Variants in COL13A1 observed in about 807,000 individuals in gnomAD.
COL13A1 encodes the protein collagen type XIII alpha 1 chain.
In COL13A1, 89 loss-of-function variants were observed where a neutral mutation model predicts 130.9. The ratio of observed to expected loss-of-function variants is 0.68; its 90% CI spans 0.57 to 0.81. The LOEUF (loss-of-function observed/expected upper bound fraction) is 0.81, where lower values mean the gene tolerates loss of function less well. COL13A1 is among the 30% of genes least tolerant of loss of function. COL13A1 has a pLI of 0.00. For synonymous variants in COL13A1, 402 were observed against 341.6 expected (o/e 1.18, Z -1.95); for missense variants, 879 against 934.6 (o/e 0.94, Z 0.78).
chr10:69,949,155 G>A (rs1310815977), intron 38 of COL13A1, among the ~76,000 whole-genome samples: 1 of 152,168 alleles, frequency 6.6e-6, no homozygotes, highest in Non-Finnish European at 1.5e-5. Flanking sequence ...TCCTGGAAGA[G>A]TCTCCCCTCA....
chr10:69,832,738 C>T (rs996523867), intron 2 of COL13A1, among the ~76,000 whole-genome samples: 1 of 152,154 alleles, frequency 6.6e-6, no homozygotes, highest in Non-Finnish European at 1.5e-5. Flanking sequence ...TTGGAACCCC[C>T]GGTTTATGAA....
In COL13A1 at chr10:69,894,537, G is replaced by T. The variant is rs1379630306; in HGVS notation, c.604-15G>T. ...TCTGTCTGCCCACTGACCTGTGTGT[G>T]TTTGCTTCCCACAGGGTCTGACGGG... On this transcript the variant is annotated splice_polypyrimidine_tract_variant and intron_variant, in intron 10 of 40. Transcript: ENST00000645393. The T allele has an allele frequency of 1.9e-6, 3 of 1,613,692 alleles. No homozygotes were observed. Among genetic ancestry groups the T allele is most frequent in the Non-Finnish European group, 2.5e-6 (3 of 1,179,880 alleles).
At chr10:69,824,041 A>G (rs1158773507) in intron 2 of COL13A1, 1 of 468,004 alleles carries the variant, frequency 2.1e-6, no homozygotes, top group Non-Finnish European at 4.4e-6. Flanking sequence ...CAAGGGCAGG[A>G]TATTTGAAGC....
chr10:69,867,032 C>T (rs1468814718), intron 2 of COL13A1, among the ~76,000 whole-genome samples: 2 of 152,166 alleles, frequency 1.3e-5, no homozygotes, highest in East Asian at 1.9e-4. Flanking sequence ...CCTTCCCTCC[C>T]GCTCCCCACC....
At position 69,894,567 on chromosome 10, in the gene COL13A1, C is replaced by A; in HGVS notation, c.619C>A (p.Pro207Thr). 1 of 1,613,988 alleles carries A rather than the reference C, an allele frequency of 6.2e-7. No individual in the cohort carries two copies. The highest frequency in any genetic ancestry group is 8.5e-7 in the Non-Finnish European group (1 of 1,179,894). Residue 207 changes from proline (P) to threonine (T), a missense_variant, in exon 11 of 41, where the codon CCA becomes ACA. Physicochemically the swap from Pro to Thr is conservative, Grantham distance 38. This residue lies in a region of COL13A1 where 715 missense variants were observed against 721.0 expected (regional missense o/e 0.99). Transcript: ENST00000645393. The stretch of plus-strand genomic sequence containing the variant: ...CTTCCCACAGGGTCTGACGGGTCCC[C>A]CAGGACAGCCGGTTGGTACCTCATC... ...PKGDMGLTGPPGQPGPQGQKG... is the reference protein window; with the variant it reads ...PKGDMGLTGPTGQPGPQGQKG...
At chr10:69,805,836 CA>C (rs1264340948) in intron 1 of COL13A1, among the ~76,000 whole-genome samples, 2 of 152,206 alleles carry the variant, frequency 1.3e-5, no homozygotes, top group Admixed American at 1.3e-4. Flanking sequence ...AAACCTGCCA[CA>C]GGACAGGAGA....
chr10:69,878,077 C>T lies in COL13A1; in HGVS notation c.462+12C>T, dbSNP rs1183283323. ...AACCAGGCGAGAAGGTGAGTCCACA[C>T]TTTCCCCTTCTGCCCTGCACCCAGC... is the stretch of plus-strand genomic sequence containing the variant. On this transcript the variant is annotated intron_variant, in intron 6 of 40. Coordinates refer to ENST00000645393, the MANE Select transcript of COL13A1 (RefSeq NM_001368882.1). 2.8e-6 allele frequency: 2 copies of T among 702,910 alleles called. No individual in the cohort carries two copies. The highest frequency in any genetic ancestry group is 4.0e-5 in the Admixed American group (2 of 49,994). The allele number at this position is 702,910 out of a possible 1,614,324, so 43.5% of individuals were successfully genotyped here.
chr10:69,827,863 C>A (rs570788334), intron 2 of COL13A1, among the ~76,000 whole-genome samples: 1 of 152,250 alleles, frequency 6.6e-6, no homozygotes, highest in Non-Finnish European at 1.5e-5. Context: ...GGTCACAAAC[C>A]AGGCTCCTCT....
intron 30 of COL13A1, among the ~76,000 whole-genome samples, chr10:69,930,885 G>A (rs1054004005): frequency 1.3e-5 from 2 of 152,250 alleles, no homozygotes; most frequent in African/African-American, 2.4e-5. Context: ...AAGAGATGAA[G>A]ACATGGTTTA....
intron 13 of COL13A1, among the ~76,000 whole-genome samples, chr10:69,897,180 G>C (rs1404421351): frequency 2.6e-5 from 4 of 152,192 alleles, no homozygotes; most frequent in Non-Finnish European, 5.9e-5. Context: ...AGCGTGGGGT[G>C]GGGGCATAGA....
intron 26 of COL13A1, 40 bp downstream of exon 26, chr10:69,925,912 T>C: frequency 6.6e-7 from 1 of 1,509,174 alleles, no homozygotes; most frequent in Middle Eastern, 1.7e-4. Flanking sequence ...TCCTCATGGA[T>C]CTCAGGCTCT....
At chr10:69,946,207 C>T (rs943493772) in intron 37 of COL13A1, among the ~76,000 whole-genome samples, 1 of 152,210 alleles carries the variant, frequency 6.6e-6, no homozygotes, top group African/African-American at 2.4e-5. Context: ...GCTAGCATGC[C>T]CTGCTGGGCA....
chr10:69,816,725 A>G (rs886326960), intron 1 of COL13A1, among the ~76,000 whole-genome samples: 2 of 152,074 alleles, frequency 1.3e-5, no homozygotes, highest in Non-Finnish European at 2.9e-5. Context: ...CCGAGGAAGA[A>G]GGGGGGTGAG....
intron 2 of COL13A1, chr10:69,824,023 A>G: frequency 2.2e-6 from 1 of 462,186 alleles, no homozygotes; most frequent in South Asian, 1.6e-5. Context: ...AGCGTATAGA[A>G]TGCTGGTCAA....
chr10:69,939,643 G>A (rs1262999182), intron 34 of COL13A1, among the ~76,000 whole-genome samples: 3 of 152,180 alleles, frequency 2.0e-5, no homozygotes, highest in Non-Finnish European at 4.4e-5. Flanking sequence ...CTCAATGCTG[G>A]CTGCACACTG....
At chr10:69,873,572 A>G (rs1405798658) in intron 4 of COL13A1, among the ~76,000 whole-genome samples, 2 of 152,200 alleles carry the variant, frequency 1.3e-5, no homozygotes, top group Non-Finnish European at 1.5e-5. Flanking sequence ...TAACCCAAGC[A>G]TTTTATGGCC....
intron 1 of COL13A1, among the ~76,000 whole-genome samples, chr10:69,822,027 A>G (rs3847351): frequency 0.21 from 31,843 of 152,132 alleles, 3,694 homozygotes; most frequent in African/African-American, 0.31. Context: ...TCCAAGGCAG[A>G]AAACAATTAG....
intron 2 of COL13A1, among the ~76,000 whole-genome samples, chr10:69,845,913 A>AGCGTATCTTTTTGTTTGCATCTTTTTC (rs1415286101): frequency 6.6e-6 from 1 of 152,194 alleles, no homozygotes; most frequent in Non-Finnish European, 1.5e-5. Flanking sequence ...ATTTCACTGT[A>AGCGTATCTTTTTGTTTGCATCTTTTTC]GCGTATCTTT....
chr10:69,946,675 C>G (rs138955170), intron 37 of COL13A1, among the ~76,000 whole-genome samples: 181 of 152,358 alleles, frequency 1.2e-3, no homozygotes, highest in African/African-American at 4.2e-3. Flanking sequence ...TCCTGGCCCC[C>G]ACAAGCGCAT....
Sources: allele counts gnomAD v4.1 joint callset (sites outside exome capture counted in the v4.1 genomes callset), GRCh38; gene constraint gnomAD v4.1.1; regional missense constraint gnomAD v4.1.1; transcripts MANE v1.5; gene names NCBI Gene and HGNC (gene_info 2026-07-23, HGNC 2026-07-21).